Variants in COL4A6 observed in about 807,000 individuals in gnomAD.
The protein encoded by COL4A6 is collagen alpha-6(IV) chain.
In COL4A6, 59 loss-of-function variants were observed where a neutral mutation model predicts 126.7. The observed-to-expected ratio is 0.47, with a 90% confidence interval of 0.38 to 0.58. The LOEUF (loss-of-function observed/expected upper bound fraction) is 0.58, where lower values mean the gene tolerates loss of function less well. COL4A6 is among the 20% of genes least tolerant of loss of function. The pLI is 0.00. For synonymous variants in COL4A6, 547 were observed against 496.6 expected, an observed-to-expected ratio of 1.10 and a Z score of -1.35; for missense variants, 1,285 against 1,337.3, an observed-to-expected ratio of 0.96 and a Z score of 0.61.
chrX:108,180,772 T>A, intron 24 of COL4A6, 125 bp downstream of exon 24: 1 of 847,858 alleles, frequency 1.2e-6, no homozygotes. Flanking sequence ...TCCTGTTTCC[T>A]CAATCCCCAA....
intron 14 of COL4A6, among the ~76,000 whole-genome samples, chrX:108,195,483 G>T (rs1419162780): frequency 8.9e-6 from 1 of 111,961 alleles, no homozygotes; most frequent in African/African-American, 3.2e-5. Flanking sequence ...CATTGGCCAG[G>T]CTGGTCTCGA....
At chrX:108,383,393 C>T (rs1750718181) in intron 2 of COL4A6, 2 of 468,430 alleles carry the variant, frequency 4.3e-6, no homozygotes, top group Admixed American at 5.0e-5. Context: ...AAGTAAAACC[C>T]TGACTCAAGC....
intron 13 of COL4A6, among the ~76,000 whole-genome samples, chrX:108,198,015 C>T (rs185598881): frequency 4.5e-5 from 5 of 111,578 alleles, no homozygotes; most frequent in African/African-American, 1.6e-4. Flanking sequence ...GGTGGAATGT[C>T]TATTGGCTTC....
chrX:108,188,539 G>A lies in COL4A6; in HGVS notation c.1565C>T (p.Ala522Val). ...GARGDRGSGG[A>V]QGPAGAPGLV... is the part of the protein sequence containing the mutation. ...TACTGGAGCCCCTGCTGGGCCCTGT[G>A]CACCCCCAGAGCCTCGATCTCCTCT... Residue 522 changes from alanine (A) to valine (V), a missense_variant, in exon 21 of 45, where the codon GCA becomes GTA. Coordinates refer to ENST00000334504, the MANE Select transcript of COL4A6 (RefSeq NM_033641.4). 1 of 1,146,838 alleles carries A rather than the reference G, an allele frequency of 8.7e-7. No homozygotes were observed. Among genetic ancestry groups the A allele is most frequent in the Non-Finnish European group, 1.2e-6 (1 of 864,009 alleles). The allele number at this position is 1,146,838 out of a possible 1,213,427, so 94.5% of individuals were successfully genotyped here.
intron 2 of COL4A6, among the ~76,000 whole-genome samples, chrX:108,404,749 A>G (rs1490059062): frequency 3.6e-5 from 4 of 111,554 alleles, no homozygotes; most frequent in African/African-American, 1.3e-4. Flanking sequence ...TTTCTCCTCT[A>G]TTCTTTCATA....
chrX:108,331,999 C>G (rs1286393283), intron 2 of COL4A6, among the ~76,000 whole-genome samples: 1 of 111,321 alleles, frequency 9.0e-6, no homozygotes, highest in Non-Finnish European at 1.9e-5. Flanking sequence ...CCTCACCCCA[C>G]TTCTACACTC....
intron 2 of COL4A6, among the ~76,000 whole-genome samples, chrX:108,382,485 T>A (rs993197670): frequency 9.0e-6 from 1 of 111,286 alleles, no homozygotes; most frequent in Non-Finnish European, 1.9e-5. Flanking sequence ...ACAAAGAACA[T>A]CTCACTTTCC....
intron 37 of COL4A6, 96 bp downstream of exon 37, chrX:108,169,399 G>T: frequency 9.1e-7 from 1 of 1,101,970 alleles, no homozygotes; most frequent in South Asian, 2.1e-5. Flanking sequence ...GACACTCACA[G>T]CCCAACCCTG....
chrX:108,405,790 A>G (rs779338470), intron 2 of COL4A6, among the ~76,000 whole-genome samples: 4 of 111,361 alleles, frequency 3.6e-5, no homozygotes, highest in Non-Finnish European at 7.5e-5. Context: ...AAGGGAGAGC[A>G]GGCTTCTCAA....
intron 2 of COL4A6, among the ~76,000 whole-genome samples, chrX:108,423,032 G>A (rs2064009439): frequency 8.9e-6 from 1 of 112,165 alleles, no homozygotes; most frequent in Admixed American, 9.4e-5. Flanking sequence ...CTGAGAAAAT[G>A]ATGTTTTTGC....
chrX:108,164,734 C>G, intron 39 of COL4A6, 36 bp from the exon 40 acceptor site: 1 of 1,197,520 alleles, frequency 8.4e-7, no homozygotes, highest in Non-Finnish European at 1.1e-6. Flanking sequence ...CAGGTCCCGG[C>G]ATGGTAGGGG....
chrX:108,222,792 C>T (rs2036055060), intron 3 of COL4A6, among the ~76,000 whole-genome samples: 1 of 111,875 alleles, frequency 8.9e-6, no homozygotes. Context: ...TTTTAGGCTC[C>T]TACCTCCCAT....
intron 17 of COL4A6, among the ~76,000 whole-genome samples, chrX:108,192,882 T>C (rs1306517110): frequency 4.4e-5 from 5 of 112,707 alleles, no homozygotes; most frequent in African/African-American, 1.6e-4. Context: ...ATGTCTACCA[T>C]TTGGATTAAG....
At chrX:108,266,627 T>G (rs1569393532) in intron 3 of COL4A6, among the ~76,000 whole-genome samples, 1 of 111,783 alleles carries the variant, frequency 8.9e-6, no homozygotes, top group Non-Finnish European at 1.9e-5. Flanking sequence ...ATTTGTTATA[T>G]GCTATAAATA....
chrX:108,326,224 A>G (rs184219652), intron 2 of COL4A6, among the ~76,000 whole-genome samples: 183 of 112,632 alleles, frequency 1.6e-3, no homozygotes, highest in Non-Finnish European at 2.7e-3. Context: ...CAAGGTCGAT[A>G]TACAAAAATT....
At chrX:108,246,839 C>G (rs936388047) in intron 3 of COL4A6, among the ~76,000 whole-genome samples, 6 of 110,837 alleles carry the variant, frequency 5.4e-5, no homozygotes, top group Non-Finnish European at 1.9e-5. Flanking sequence ...GAGGTGGGCC[C>G]CAACTCACAT....
intron 3 of COL4A6, among the ~76,000 whole-genome samples, chrX:108,308,975 A>G (rs2038695280): frequency 8.9e-6 from 1 of 111,888 alleles, no homozygotes; most frequent in Non-Finnish European, 1.9e-5. Flanking sequence ...ACTATGGGGT[A>G]GAGAAAAAGA....
At chrX:108,291,396 C>T (rs1236295928) in intron 3 of COL4A6, among the ~76,000 whole-genome samples, 1 of 112,208 alleles carries the variant, frequency 8.9e-6, no homozygotes, top group Non-Finnish European at 1.9e-5. Context: ...CCATAATTCT[C>T]ACTTAACATT....
At chrX:108,248,376 C>T (rs1410878059) in intron 3 of COL4A6, among the ~76,000 whole-genome samples, 4 of 111,259 alleles carry the variant, frequency 3.6e-5, no homozygotes, top group African/African-American at 1.3e-4. Context: ...TCTACCCTTA[C>T]TCTTTCATGT....
Sources: gnomAD v4.1 joint callset for allele counts (sites outside exome capture counted in the v4.1 genomes callset) on GRCh38, gnomAD v4.1.1 for gene constraint, MANE v1.5 for transcripts, NCBI Gene and HGNC (gene_info 2026-07-23, HGNC 2026-07-21) for gene names.